The following ADGRA3 variants were observed in gnomAD, a reference collection of about 807,000 sequenced individuals.
ADGRA3 encodes the protein adhesion G protein-coupled receptor A3, also known as G-protein coupled receptor 125.
ADGRA3 carries 56 observed loss-of-function variants against 119.8 expected under a neutral mutation model. The ratio of observed to expected loss-of-function variants is 0.47; its 90% CI spans 0.38 to 0.58. ADGRA3 has a LOEUF of 0.58. Among genes scored for constraint, ADGRA3 ranks in the 20% least tolerant of loss-of-function variants. ADGRA3 has a pLI of 0.00. For synonymous variants in ADGRA3, 607 were observed against 623.8 expected, an observed-to-expected ratio of 0.97 and a Z score of 0.40; for missense variants, 1,516 against 1,649.0, an observed-to-expected ratio of 0.92 and a Z score of 1.40.
chr4:22,496,047 A>T (rs1197893153), intron 1 of ADGRA3, among the ~76,000 whole-genome samples: 1 of 152,230 alleles, frequency 6.6e-6, no homozygotes, highest in Non-Finnish European at 1.5e-5. Flanking sequence ...TTAAAAAAAG[A>T]TATTATATAT....
chr4:22,476,679 T>TTG (rs549972618), intron 1 of ADGRA3, among the ~76,000 whole-genome samples: 12,488 of 151,726 alleles, frequency 0.082, 575 homozygotes, highest in Non-Finnish European at 0.092. Context: ...GGGTTTTTTT[T>TTG]TTTTTAGACG....
chr4:22,391,770 A>G (rs1577318864), intron 17 of ADGRA3, among the ~76,000 whole-genome samples: 1 of 152,204 alleles, frequency 6.6e-6, no homozygotes. Flanking sequence ...CTGAGGCTCC[A>G]GCCAAACTGC....
chr4:22,414,065 C>CA (rs1305670838), intron 12 of ADGRA3: 1 of 335,960 alleles, frequency 3.0e-6, no homozygotes, highest in Non-Finnish European at 5.4e-6. Flanking sequence ...AAAAGTGTTT[C>CA]AAATTAACAA....
intron 14 of ADGRA3, among the ~76,000 whole-genome samples, chr4:22,403,347 G>A (rs959652781): frequency 6.6e-6 from 1 of 152,038 alleles, no homozygotes; most frequent in Non-Finnish European, 1.5e-5. Context: ...GAAAATCACA[G>A]GGGAGACACA....
intron 1 of ADGRA3, among the ~76,000 whole-genome samples, chr4:22,498,196 G>A (rs768152397): frequency 2.0e-5 from 3 of 151,800 alleles, no homozygotes; most frequent in Non-Finnish European, 4.4e-5. Flanking sequence ...ACAGTGAGCC[G>A]AGATCATGCC....
chr4:22,471,266 A>C (rs1332560376), intron 2 of ADGRA3, among the ~76,000 whole-genome samples: 2 of 152,074 alleles, frequency 1.3e-5, no homozygotes, highest in Non-Finnish European at 2.9e-5. Flanking sequence ...AATGATAAGA[A>C]CTTATGAACA....
intron 3 of ADGRA3, among the ~76,000 whole-genome samples, chr4:22,458,185 A>G (rs190810819): frequency 1.4e-4 from 21 of 152,170 alleles, no homozygotes; most frequent in Admixed American, 1.2e-3. Flanking sequence ...TAGCCCCTAC[A>G]CTTTTGCTTT....
chr4:22,396,499 C>A (rs1165828824), intron 16 of ADGRA3, among the ~76,000 whole-genome samples: 1 of 152,140 alleles, frequency 6.6e-6, no homozygotes, highest in Non-Finnish European at 1.5e-5. Context: ...AAACGTTAAG[C>A]CCCTACTAGG....
chr4:22,408,996 G>A (rs1715072992), intron 14 of ADGRA3, among the ~76,000 whole-genome samples: 2 of 152,142 alleles, frequency 1.3e-5, no homozygotes, highest in Admixed American at 1.3e-4. Context: ...TGACAGGAAA[G>A]AACCTGACAC....
At chr4:22,502,694 A>C (rs905845765) in intron 1 of ADGRA3, among the ~76,000 whole-genome samples, 3 of 152,114 alleles carry the variant, frequency 2.0e-5, no homozygotes, top group African/African-American at 7.2e-5. Flanking sequence ...ATGGCTCCTC[A>C]AGAGGTAGGT....
intron 16 of ADGRA3, among the ~76,000 whole-genome samples, chr4:22,396,590 T>C (rs1714364509): frequency 6.6e-6 from 1 of 152,192 alleles, no homozygotes; most frequent in Admixed American, 6.5e-5. Flanking sequence ...CCTAGACTAG[T>C]CCTTTTTGCA....
intron 6 of ADGRA3, among the ~76,000 whole-genome samples, chr4:22,444,104 C>A (rs1452119536): frequency 6.6e-6 from 1 of 152,008 alleles, no homozygotes; most frequent in East Asian, 1.9e-4. Context: ...CCCAGATATT[C>A]TTCAAAATCA....
At chr4:22,438,485 G>T in intron 7 of ADGRA3, 65 bp from the exon 8 acceptor site, 5 of 1,248,222 alleles carry the variant, frequency 4.0e-6, no homozygotes, top group Non-Finnish European at 5.6e-6. Context: ...ACAATAATGG[G>T]TCTCAATCAT....
intron 2 of ADGRA3, among the ~76,000 whole-genome samples, chr4:22,467,523 C>A (rs1393010647): frequency 6.6e-6 from 1 of 152,172 alleles, no homozygotes; most frequent in East Asian, 1.9e-4. Context: ...TAAACAGCAT[C>A]TACAACAGGA....
At chr4:22,429,591 T>C (rs1485723195) in intron 10 of ADGRA3, among the ~76,000 whole-genome samples, 1 of 151,660 alleles carries the variant, frequency 6.6e-6, no homozygotes, top group African/African-American at 2.4e-5. Context: ...CTCAGCTTCA[T>C]GGAAGGAGAG....
rs1408787794 is a variant in ADGRA3, at chr4:22,401,409, TCGG to T, written c.2481+19_2481+21del. ...TCTAATACCAGTAATTTTTTCCATT[TCGG>T]TTTTTCACTCTGACTTACTGCTTGG... On this transcript the variant is annotated intron_variant, in intron 16 of 18. Coordinates refer to ENST00000334304, the MANE Select transcript of ADGRA3 (RefSeq NM_145290.4). 3.8e-6 allele frequency: 6 copies of T among 1,571,114 alleles called. No homozygotes were observed. The highest frequency in any genetic ancestry group is 3.6e-5 in the Admixed American group (2 of 54,906).
At chr4:22,501,397 A>C (rs1438302474) in intron 1 of ADGRA3, among the ~76,000 whole-genome samples, 1 of 152,198 alleles carries the variant, frequency 6.6e-6, no homozygotes, top group Non-Finnish European at 1.5e-5. Context: ...CATCCCAACA[A>C]AAAAATAAAG....
At position 22,475,743 on chromosome 4, in the gene ADGRA3, A is replaced by AAT. The variant is rs1318678813; in HGVS notation, c.258-1901_258-1900insAT. Among the ~76,000 whole-genome samples the AAT allele has an allele frequency of 9.0e-5, 9 of 99,824 alleles. No individual in the cohort carries two copies. In the East Asian group the frequency reaches 2.7e-3, roughly 30 times the overall value. The allele number at this position is 99,824 out of a possible 152,430, so 65.5% of individuals were successfully genotyped here. A position where few individuals can be genotyped will look rare whatever the true frequency, so the allele number is the denominator to read the frequency against. ...CTCCGTCTCGGAAAAAAAAATAAAT[A>AAT]AATAAAAAAAAAAGAATGACACATT... On this transcript the variant is annotated intron_variant, in intron 1 of 18. Coordinates refer to ENST00000334304, the MANE Select transcript of ADGRA3 (RefSeq NM_145290.4).
intron 1 of ADGRA3, among the ~76,000 whole-genome samples, chr4:22,495,764 C>T (rs867974983): frequency 6.6e-6 from 1 of 152,006 alleles, no homozygotes; most frequent in Non-Finnish European, 1.5e-5. Flanking sequence ...AAAAAATTAG[C>T]CGGGCGTGGT....
Sources: allele counts gnomAD v4.1 joint callset (sites outside exome capture counted in the v4.1 genomes callset), GRCh38; gene constraint gnomAD v4.1.1; transcripts MANE v1.5; gene names NCBI Gene and HGNC (gene_info 2026-07-23, HGNC 2026-07-21).